Variants in CLSPN observed in about 807,000 individuals in gnomAD.
The protein encoded by CLSPN is claspin.
A neutral mutation model predicts 156.3 loss-of-function variants in CLSPN; 85 were observed. The observed-to-expected ratio is 0.54, with a 90% CI of 0.46 to 0.65. CLSPN has a LOEUF of 0.65. Ranked by LOEUF, CLSPN falls within the 30% of genes least tolerant of loss-of-function variation. The pLI is 0.00. For missense variants in CLSPN, 1,407 were observed against 1,554.9 expected (o/e 0.90, Z 1.60); for synonymous variants, 534 against 542.4 (o/e 0.98, Z 0.22).
intron 20 of CLSPN, among the ~76,000 whole-genome samples, 168 bp from the exon 21 acceptor site, chr1:35,738,750 G>C (rs1435324926): frequency 6.6e-6 from 1 of 150,468 alleles, no homozygotes; most frequent in Non-Finnish European, 1.5e-5. Context: ...TTATAGTTTT[G>C]CTTGCCATTT....
chr1:35,736,955 G>A lies in CLSPN; in HGVS notation c.3868C>T (p.Pro1290Ser), dbSNP rs747386642. 8.1e-6 allele frequency: 13 copies of A among 1,614,040 alleles called. No homozygotes were observed. In the East Asian group the frequency reaches 2.7e-4, roughly 33 times the overall value. ...TCCTTTGCCGCCTCAGCCTTGACAG[G>A]AGAAAGTGTATGAAAGACAAAGTTT... is the stretch of plus-strand genomic sequence containing the variant. ...SRNFVFHTLS[P>S]VKAEAAKESS... The change falls in exon 24 of 25, where the codon CCT becomes TCT. Residue 1290 changes from proline to serine, a missense_variant. Physicochemically the swap from Pro to Ser is moderately conservative, Grantham distance 74. Around this residue, in one of 3 missense-constraint regions of CLSPN, gnomAD observed 241 missense variants for 240.5 expected, o/e 1.00. Transcript: ENST00000318121.
chr1:35,759,814 TTAAC>T (rs1463130464), intron 8 of CLSPN, among the ~76,000 whole-genome samples: 1 of 151,724 alleles, frequency 6.6e-6, no homozygotes, highest in Non-Finnish European at 1.5e-5. Flanking sequence ...CTTTTTTATA[TTAAC>T]TATCAACAAC....
At chr1:35,723,875 C>A (rs1346345641) in intron 24 of CLSPN, among the ~76,000 whole-genome samples, 1 of 152,172 alleles carries the variant, frequency 6.6e-6, no homozygotes, top group Admixed American at 6.5e-5. Flanking sequence ...CCTGTAATCC[C>A]AGCTACTTGG....
chr1:35,728,205 C>T (rs1055589220), downstream of CLSPN, among the ~76,000 whole-genome samples: 1 of 151,968 alleles, frequency 6.6e-6, no homozygotes, highest in Non-Finnish European at 1.5e-5. Flanking sequence ...CCTCAGCCTC[C>T]CAAGTAGTTG....
At chr1:35,761,941 G>C in intron 6 of CLSPN, 57 bp downstream of exon 6, 1 of 1,190,246 alleles carries the variant, frequency 8.4e-7, no homozygotes, top group Non-Finnish European at 1.2e-6. Context: ...CAACATCCAA[G>C]TTGAGCTTAC....
chr1:35,740,068 A>G (rs1391256724), intron 18 of CLSPN, among the ~76,000 whole-genome samples: 2 of 152,210 alleles, frequency 1.3e-5, no homozygotes, highest in African/African-American at 4.8e-5. Context: ...AAAACTCTTA[A>G]TCTCTTTTAC....
At chr1:35,757,187 C>G (rs1299555354) in intron 8 of CLSPN, among the ~76,000 whole-genome samples, 1 of 152,138 alleles carries the variant, frequency 6.6e-6, no homozygotes, top group Non-Finnish European at 1.5e-5. Flanking sequence ...TCCCAATGCA[C>G]CCTCAATTAT....
exon 25 of CLSPN, chr1:35,720,811 C>A: frequency 1.0e-6 from 1 of 1,002,620 alleles, no homozygotes. Context: ...GCCCAGACCA[C>A]AGAGCCATAA....
At chr1:35,720,840 C>A in exon 25 of CLSPN, 1 of 1,307,874 alleles carries the variant, frequency 7.6e-7, no homozygotes, top group South Asian at 1.2e-5. Flanking sequence ...ATTGTTTGTT[C>A]TGCCCAGAAT....
intron 10 of CLSPN, among the ~76,000 whole-genome samples, chr1:35,750,156 T>C (rs1273606551): frequency 6.6e-6 from 1 of 152,162 alleles, no homozygotes; most frequent in East Asian, 1.9e-4. Context: ...ACAGGCTGTA[T>C]AGCTCAGCCA....
intron 10 of CLSPN, 124 bp downstream of exon 10, chr1:35,751,126 A>T (rs1642068060): frequency 2.6e-6 from 3 of 1,144,036 alleles, no homozygotes; most frequent in Non-Finnish European, 2.5e-6. Context: ...TGAGGTAGTT[A>T]CCCTCATCAT....
chr1:35,723,188 A>T (rs1641113271), intron 24 of CLSPN, among the ~76,000 whole-genome samples: 1 of 152,224 alleles, frequency 6.6e-6, no homozygotes, highest in African/African-American at 2.4e-5. Context: ...CCCAAGTGAA[A>T]GGGTATCTGT....
Position 35,734,982 on chromosome 1 carries a change from A to G in CLSPN, c.*1514T>C. On this transcript the variant is annotated 3_prime_UTR_variant, in exon 25 of 25. Coordinates refer to ENST00000318121, the MANE Select transcript of CLSPN (RefSeq NM_022111.4). ...AATGATGGCAATTCTCTTCAATAAT[A>G]TTTTTATTAAATTCCATGGTGGCCT... 1 of 985,384 alleles carries G rather than the reference A, an allele frequency of 1.0e-6. No individual in the cohort carries two copies. Among genetic ancestry groups the G allele is most frequent in the Non-Finnish European group, 1.2e-6 (1 of 829,888 alleles). 61.0% of individuals were successfully genotyped at this position (985,384 alleles called of 1,614,324 possible).
In CLSPN at chr1:35,732,864, C is replaced by G. The variant is rs953594267; in HGVS notation, c.*3632G>C. ...GATCAAGGCTTAGCTTACTTTATAGCAGCCATCCTGGCATAAGGAAAAGTA... is the reference window on the plus strand; with the variant it reads ...GATCAAGGCTTAGCTTACTTTATAGGAGCCATCCTGGCATAAGGAAAAGTA... On this transcript the variant is annotated 3_prime_UTR_variant, in exon 25 of 25. Coordinates refer to ENST00000318121, the MANE Select transcript of CLSPN (RefSeq NM_022111.4). 3.0e-6 allele frequency: 3 copies of G among 985,330 alleles called. No individual in the cohort carries two copies. In the African/African-American group the frequency reaches 5.2e-5, roughly 17 times the overall value. The allele number at this position is 985,330 out of a possible 1,614,324, so 61.0% of individuals were successfully genotyped here. A position where few individuals can be genotyped will look rare whatever the true frequency, so the allele number is the denominator to read the frequency against.
intron 24 of CLSPN, among the ~76,000 whole-genome samples, chr1:35,725,748 C>G (rs981542335): frequency 6.6e-6 from 1 of 152,122 alleles, no homozygotes; most frequent in Admixed American, 6.5e-5. Flanking sequence ...GTGTATAAAC[C>G]GCTCTGCTCC....
At chr1:35,742,619 T>C (rs373130205) in intron 18 of CLSPN, among the ~76,000 whole-genome samples, 17 of 152,274 alleles carry the variant, frequency 1.1e-4, no homozygotes, top group African/African-American at 4.1e-4. Flanking sequence ...CCTCAAGTAA[T>C]ATGCCTGCCT....
In CLSPN at chr1:35,733,898, G is replaced by A. The variant is rs574432329; in HGVS notation, c.*2598C>T. The stretch of plus-strand genomic sequence containing the variant: ...CCAAAGGTTGAGGAAGGAGGATGCT[G>A]AAGCCCAGGAGTTCAAGGGTACAGT... On this transcript the variant is annotated 3_prime_UTR_variant, in exon 25 of 25. Coordinates refer to ENST00000318121, the MANE Select transcript of CLSPN (RefSeq NM_022111.4). The A allele has an allele frequency of 8.7e-6, 6 of 692,774 alleles. No individual in the cohort carries two copies. The East Asian group carries it at 8.1e-4, about 94-fold the overall frequency. The allele number at this position is 692,774 out of a possible 1,614,324, so 42.9% of individuals were successfully genotyped here. A position where few individuals can be genotyped will look rare whatever the true frequency, so the allele number is the denominator to read the frequency against.
chr1:35,738,011 G>A lies in CLSPN; in HGVS notation c.3645C>T (p.Ala1215=). 6.7e-7 allele frequency: 1 copy of A among 1,490,896 alleles called. No individual in the cohort carries two copies. The highest frequency in any genetic ancestry group is 9.0e-7 in the Non-Finnish European group (1 of 1,110,336). 92.4% of individuals were successfully genotyped at this position (1,490,896 alleles called of 1,614,324 possible). Residue 1215 remains alanine, a synonymous_variant, in exon 22 of 25, where the codon GCC becomes GCT. Transcript: ENST00000318121. ...QFMILAKKVT[A]KALQKNASRP... is the part of the protein sequence containing the mutation. ...GCTCACCATTCTTCTGCAGTGCTTT[G>A]GCTGTAACTTTCTTGGCCAGTATCA...
intron 18 of CLSPN, among the ~76,000 whole-genome samples, chr1:35,741,596 G>A (rs550624467): frequency 1.7e-4 from 26 of 152,252 alleles, no homozygotes; most frequent in Non-Finnish European, 3.4e-4. Flanking sequence ...GATTATAGGC[G>A]TGGGCCACTG....
Sources: allele counts gnomAD v4.1 joint callset (sites outside exome capture counted in the v4.1 genomes callset), GRCh38; gene constraint gnomAD v4.1.1; regional missense constraint gnomAD v4.1.1; transcripts MANE v1.5; gene names NCBI Gene and HGNC (gene_info 2026-07-23, HGNC 2026-07-21).